The following TTN variants were observed in gnomAD, a reference collection of about 807,000 sequenced individuals.
TTN encodes titin.
TTN carries 1,525 observed loss-of-function variants against 3,223.0 expected under a neutral mutation model. The ratio of observed to expected loss-of-function variants is 0.47; its 90% CI spans 0.45 to 0.49. The LOEUF is 0.49. Ranked by LOEUF, TTN falls within the 20% of genes least tolerant of loss-of-function variation. The probability of loss-of-function intolerance (pLI) is 0.00; values close to 1 mark genes in which losing one functional copy is unlikely to be tolerated. For synonymous variants in TTN, 14,094 were observed against 15,161.0 expected, an observed-to-expected ratio of 0.93 and a Z score of 5.17; for missense variants, 40,786 against 43,424.0, an observed-to-expected ratio of 0.94 and a Z score of 5.40.
intron 248 of TTN, 42 bp from the exon 249 acceptor site, chr2:178,620,154 C>T (rs928785610): frequency 1.4e-5 from 22 of 1,592,184 alleles, no homozygotes; most frequent in Admixed American, 3.6e-5. Flanking sequence ...GCAATGATGG[C>T]CACTAAATTG....
chr2:178,617,366 T>A lies in TTN; in HGVS notation c.47719A>T (p.Ile15907Phe). Residue 15907 changes from isoleucine (I) to phenylalanine (F), a missense_variant, in exon 254 of 363, where the codon ATT becomes TTT. Physicochemically the swap from Ile to Phe is conservative, Grantham distance 21. Coordinates refer to ENST00000589042, the MANE Select transcript of TTN (RefSeq NM_001267550.2). ...ERCEEGKDNWIRCNMKLVPEL... is the reference protein window; with the variant it reads ...ERCEEGKDNWFRCNMKLVPEL... ...GGGACAAGTTTCATATTGCAACGAA[T>A]CCAATTATCTTTTCCTTCTTCGCAT... 7 of 1,585,056 alleles carry A rather than the reference T, an allele frequency of 4.4e-6. No individual in the cohort carries two copies. Among genetic ancestry groups the A allele is most frequent in the Non-Finnish European group, 6.0e-6 (7 of 1,169,210 alleles).
In TTN at chr2:178,528,796, C is replaced by T. The variant is rs200497615; in HGVS notation, c.106955G>A (p.Arg35652Gln). Residue 35652 changes from arginine to glutamine, a missense_variant, in exon 360 of 363, where the codon CGA becomes CAA. By Grantham distance (43) the Arg-to-Gln change is conservative. Transcript: ENST00000589042. The part of the protein sequence containing the change: ...GVELTNSEEY[R>Q]YGVSGSDQTL... ...CTGATCGCTGCCTGAGACACCATAT[C>T]GGTACTCCTCAGAGTTGGTAAGCTC... 4.0e-4 allele frequency: 641 copies of T among 1,613,052 alleles called. 2 individuals are homozygous for T. Among genetic ancestry groups the T allele is most frequent in the Non-Finnish European group, 5.0e-4 (594 of 1,179,312 alleles).
rs774131659 is a variant in TTN at position 178,531,955 on chromosome 2, G to A, written c.104660C>T (p.Pro34887Leu). ...PTPERTRPRS[P>L]SPVSSERSLS... ...TGATCTCTCACTAGACACAGGGCTG[G>A]GGGATCGTGGGCGAGTTCTCTCTGG... Residue 34887 changes from proline (P) to leucine (L), a missense_variant, in exon 358 of 363, where the codon CCC becomes CTC. By Grantham distance (98) the Pro-to-Leu change is moderately conservative. Transcript: ENST00000589042. 8 of 1,613,546 alleles carry A rather than the reference G, an allele frequency of 5.0e-6. No homozygotes were observed. Among genetic ancestry groups the A allele is most frequent in the Non-Finnish European group, 6.8e-6 (8 of 1,179,748 alleles).
rs771563848 is a variant in TTN, at chr2:178,778,979, T to C, written c.4103A>G (p.Asn1368Ser). ...DEGIYTAFASNIKGNAICSGK... is the reference protein window; with the variant it reads ...DEGIYTAFASSIKGNAICSGK... ...TGAGCAAATTGCATTTCCTTTAATA[T>C]TGCTGGCAAATGCAGTGTAGATTCC... Residue 1368 changes from asparagine (N) to serine (S), a missense_variant, in exon 24 of 363, where the codon AAT becomes AGT. Transcript: ENST00000589042. 3 of 1,613,920 alleles carry C rather than the reference T, an allele frequency of 1.9e-6. No individual in the cohort carries two copies.
chr2:178,739,228 C>A lies in TTN; in HGVS notation c.14005G>T (p.Glu4669Ter). Residue 4669 changes from glutamate to a stop codon, truncating the protein, a stop_gained, in exon 48 of 363, where the codon GAA (glutamate) becomes TAA (stop). Coordinates refer to ENST00000589042, the MANE Select transcript of TTN (RefSeq NM_001267550.2). LOFTEE classifies it high-confidence loss of function. Reference sequence around the variant, plus strand: ...CAGACATACTCTCCTTGATGGTCTTCGGTATTTACTTTGTCGATGACTAGC... The same window carrying A: ...CAGACATACTCTCCTTGATGGTCTTAGGTATTTACTTTGTCGATGACTAGC... The part of the protein sequence containing the change: ...YTLVIDKVNT[E>*]DHQGEYVCEA... The A allele has an allele frequency of 6.3e-7, 1 of 1,580,242 alleles. No homozygotes were observed. Among genetic ancestry groups the A allele is most frequent in the Non-Finnish European group, 8.6e-7 (1 of 1,160,100 alleles).
At position 178,777,279 on chromosome 2, in the gene TTN, G is replaced by A. The variant is rs1221271314; in HGVS notation, c.4684C>T (p.Leu1562=). The change falls in exon 27 of 363, where the codon CTG becomes TTG. Residue 1562 remains leucine, a synonymous_variant. Transcript: ENST00000589042. ...HQVKPMFVEK[L]KNVNIKEGSR... ...CCTTCCTTTATATTGACATTTTTCA[G>A]TTTTTCTACAAACATCGGTTTTACC... 4.3e-6 allele frequency: 7 copies of A among 1,613,962 alleles called. No individual in the cohort carries two copies. In the Admixed American group the frequency reaches 1.2e-4, roughly 27 times the overall value.
chr2:178,634,199 T>C lies in TTN; in HGVS notation c.42416-116A>G, dbSNP rs368370733. ...CACATGGCACTTATTTATTCATCTT[T>C]CCAAATAGAGCTCCACTAAAAACAA... On this transcript the variant is annotated intron_variant, in intron 230 of 362. Transcript: ENST00000589042. The surrounding 1 kb of genome is among the most constrained non-coding windows in gnomAD (Gnocchi z 4.6). 8.3e-4 allele frequency: 1,238 copies of C among 1,498,336 alleles called. 3 individuals carry two copies. In the Middle Eastern group the frequency reaches 8.6e-3, roughly 10 times the overall value. 92.8% of individuals were successfully genotyped at this position (1,498,336 alleles called of 1,614,324 possible).
chr2:178,544,642 C>T lies in TTN; in HGVS notation c.95723-136G>A, dbSNP rs1175014717. On this transcript the variant is annotated intron_variant, in intron 344 of 362. Coordinates refer to ENST00000589042, the MANE Select transcript of TTN (RefSeq NM_001267550.2). ...ACCAAGATAATCTTTATTAACTGGG[C>T]TCCTGATATTATAGGACAGCACAGA... 1.2e-5 allele frequency: 8 copies of T among 669,140 alleles called. No individual in the cohort carries two copies. The East Asian group carries it at 1.8e-4, about 15-fold the overall frequency. 41.5% of individuals were successfully genotyped at this position (669,140 alleles called of 1,614,324 possible).
At position 178,607,163 on chromosome 2, in the gene TTN, T is replaced by C. The variant is rs755191182; in HGVS notation, c.53439A>G (p.Gln17813=). The change falls in exon 278 of 363, where the codon CAA becomes CAG. Residue 17813 remains glutamine (Q), a synonymous_variant. Coordinates refer to ENST00000589042, the MANE Select transcript of TTN (RefSeq NM_001267550.2). ...ATTTAGATCTCTCAGTCTCTATTGGTTGTCTCCAAGTATGCATCTTGGCAT... is the reference window on the plus strand; with the variant it reads ...ATTTAGATCTCTCAGTCTCTATTGGCTGTCTCCAAGTATGCATCTTGGCAT... ...RKDAKMHTWR[Q]PIETERSKCD... is the part of the protein sequence containing the mutation. 4 of 1,612,910 alleles carry C rather than the reference T, an allele frequency of 2.5e-6. No homozygotes were observed. The African/African-American group carries it at 5.3e-5, about 22-fold the overall frequency.
Position 178,731,963 on chromosome 2 carries a change from A to T in TTN, c.16912T>A (p.Tyr5638Asn), listed in dbSNP as rs777950405. The part of the protein sequence containing the change: ...SSIVIVKESP[Y>N]FTKEFKPIEV... ...ATTGGCTTAAATTCCTTGGTAAAAT[A>T]AGGTGACTCTACAGTAAAAAAGGAA... Residue 5638 changes from tyrosine (Y) to asparagine (N), a missense_variant, in exon 58 of 363, where the codon TAT becomes AAT. Transcript: ENST00000589042. 1 of 1,605,948 alleles carries T rather than the reference A, an allele frequency of 6.2e-7. No individual in the cohort carries two copies. The highest frequency in any genetic ancestry group is 1.1e-5 in the South Asian group (1 of 90,486).
chr2:178,681,458 A>G lies in TTN; in HGVS notation c.33173-8T>C, dbSNP rs774171120. On this transcript the variant is annotated splice_polypyrimidine_tract_variant and splice_region_variant and intron_variant, in intron 136 of 362. Transcript: ENST00000589042. ...GGACAGCTTTCTTCAGCACTTCAAA[A>G]TATCAATATTAAGAGATTTTAAAAA... The G allele has an allele frequency of 1.3e-6, 2 of 1,598,860 alleles. No homozygotes were observed. The highest frequency in any genetic ancestry group is 1.7e-6 in the Non-Finnish European group (2 of 1,174,634).
chr2:178,783,101 G>T (rs780897904), intron 17 of TTN, 37 bp from the exon 18 acceptor site: 1 of 1,603,960 alleles, frequency 6.2e-7, no homozygotes, highest in Admixed American at 1.7e-5. Context: ...TGATACGTGT[G>T]CATATTCATT....
Position 178,771,400 on chromosome 2 carries a change from C to A in TTN, c.7927G>T (p.Val2643Phe), listed in dbSNP as rs886042338. Residue 2643 changes from valine (V) to phenylalanine (F), a missense_variant, in exon 34 of 363, where the codon GTT becomes TTT. Physicochemically the swap from Val to Phe is conservative, Grantham distance 50. Transcript: ENST00000589042. ...TCGCCTTTGGAATCTGGGTTGGCAA[C>A]TTCACATTCAAACACAGCTTCCTGG... ...ESQEAVFECE[V>F]ANPDSKGEWL... The A allele has an allele frequency of 6.2e-7, 1 of 1,613,984 alleles. No individual in the cohort carries two copies. Among genetic ancestry groups the A allele is most frequent in the Non-Finnish European group, 8.5e-7 (1 of 1,179,924 alleles).
chr2:178,794,291 CAGA>C (rs2093656958), intron 8 of TTN, 105 bp downstream of exon 8: 1 of 1,530,464 alleles, frequency 6.5e-7, no homozygotes, highest in South Asian at 1.1e-5. Flanking sequence ...AGGCTGTCTT[CAGA>C]ATGAATTGAG....
chr2:178,562,867 T>G lies in TTN; in HGVS notation c.83265A>C (p.Lys27755Asn). ...NLTLENNSGS[K>N]TAFVNVRVLD... ...GAACTCTGACGTTAACAAAAGCTGTTTTGGAGCCACTATTATTTTCTAATG... is the reference window on the plus strand; with the variant it reads ...GAACTCTGACGTTAACAAAAGCTGTGTTGGAGCCACTATTATTTTCTAATG... The change falls in exon 326 of 363, where the codon AAA becomes AAC. Residue 27755 changes from lysine (K) to asparagine (N), a missense_variant. Physicochemically the swap from Lys to Asn is moderately conservative, Grantham distance 94. Transcript: ENST00000589042. 1 of 1,613,140 alleles carries G rather than the reference T, an allele frequency of 6.2e-7. No individual in the cohort carries two copies. The highest frequency in any genetic ancestry group is 8.5e-7 in the Non-Finnish European group (1 of 1,179,554).
In TTN at chr2:178,593,323, T is replaced by C; in HGVS notation, c.58885A>G (p.Thr19629Ala). ...ETMSKRWARV[T>A]KDPIHPYTKF... Reference sequence around the variant, plus strand: ...GTGTATGGATGAATAGGATCTTTGGTAACTCTAGCCCATCGTTTAGACATA... The same window carrying C: ...GTGTATGGATGAATAGGATCTTTGGCAACTCTAGCCCATCGTTTAGACATA... The change falls in exon 299 of 363, where the codon ACC becomes GCC. Residue 19629 changes from threonine to alanine, a missense_variant. Transcript: ENST00000589042. 1 of 1,613,430 alleles carries C rather than the reference T, an allele frequency of 6.2e-7. No individual in the cohort carries two copies.
Position 178,565,079 on chromosome 2 carries a change from G to C in TTN, c.81053C>G (p.Thr27018Ser). The C allele has an allele frequency of 6.2e-7, 1 of 1,613,644 alleles. No homozygotes were observed. The highest frequency in any genetic ancestry group is 8.5e-7 in the Non-Finnish European group (1 of 1,179,660). Residue 27018 changes from threonine to serine, a missense_variant, in exon 326 of 363, where the codon ACC becomes AGC. Thr to Ser is a moderately conservative substitution (Grantham distance 58, BLOSUM62 1). Transcript: ENST00000589042. ...YIVEKRDTTT[T>S]TWHMVSATVA... ...TGTTGCTGATACCATGTGCCAAGTGGTGGTGGTTGTATCTCGCTTCTCTAC... is the reference window on the plus strand; with the variant it reads ...TGTTGCTGATACCATGTGCCAAGTGCTGGTGGTTGTATCTCGCTTCTCTAC...
chr2:178,552,973 G>A lies in TTN; in HGVS notation c.89927C>T (p.Thr29976Ile), dbSNP rs772210991. Residue 29976 changes from threonine (T) to isoleucine (I), a missense_variant, in exon 335 of 363, where the codon ACC (threonine) becomes ATC (isoleucine). Thr to Ile is a moderately conservative substitution (Grantham distance 89). Coordinates refer to ENST00000589042, the MANE Select transcript of TTN (RefSeq NM_001267550.2). ...TGACACGACAGACCATGTTCTCTTGGTGGCATCTCTCTTTTCAATGACATA... is the reference window on the plus strand; with the variant it reads ...TGACACGACAGACCATGTTCTCTTGATGGCATCTCTCTTTTCAATGACATA... The part of the protein sequence containing the change: ...INYVIEKRDA[T>I]KRTWSVVSHK... 1 of 1,612,754 alleles carries A rather than the reference G, an allele frequency of 6.2e-7. No individual in the cohort carries two copies. The highest frequency in any genetic ancestry group is 2.2e-5 in the East Asian group (1 of 44,824).
rs774351461 is a variant in TTN, at chr2:178,715,768, G to T, written c.25646C>A (p.Pro8549His). 8.6e-5 allele frequency: 136 copies of T among 1,577,232 alleles called. No homozygotes were observed. The highest frequency in any genetic ancestry group is 1.1e-4 in the Non-Finnish European group (125 of 1,159,736). ...AGGTTCTAGCTTCTTAATGAACCTG[G>T]GTGGTTCTATGGAACCAAGAGGAAA... ...CSAQLGVQEP[P>H]RFIKKLEPSR... The change falls in exon 89 of 363, where the codon CCC (proline) becomes CAC (histidine). Residue 8549 changes from proline (P) to histidine (H), a missense_variant. Coordinates refer to ENST00000589042, the MANE Select transcript of TTN (RefSeq NM_001267550.2).
Sources: gnomAD v4.1 joint callset for allele counts on GRCh38, gnomAD v4.1.1 for gene constraint, Gnocchi (gnomAD v3.1) non-coding constraint, MANE v1.5 for transcripts, NCBI Gene and HGNC (gene_info 2026-07-23, HGNC 2026-07-21) for gene names.